The following KIAA2012 variants were observed in gnomAD, a reference collection of about 807,000 sequenced individuals.
KIAA2012 encodes the protein KIAA2012.
A neutral mutation model predicts 150.6 loss-of-function variants in KIAA2012; 125 were observed. That is an observed-to-expected ratio of 0.83 (90% CI 0.72 to 0.96). The LOEUF (loss-of-function observed/expected upper bound fraction) is 0.96, where lower values mean the gene tolerates loss of function less well. KIAA2012 is among the 40% of genes least tolerant of loss of function. The probability of loss-of-function intolerance (pLI) is 0.00; values close to 1 mark genes in which losing one functional copy is unlikely to be tolerated. For missense variants in KIAA2012, 1,219 were observed against 1,354.9 expected (o/e 0.90, Z 1.57); for synonymous variants, 462 against 504.7 (o/e 0.92, Z 1.13).
At chr2:202,106,098 G>A in intron 9 of KIAA2012, 188 bp downstream of exon 9, 2 of 1,475,408 alleles carry the variant, frequency 1.4e-6, no homozygotes, top group Non-Finnish European at 1.8e-6. Flanking sequence ...AAAACTAACA[G>A]TGTCCAGCTC....
chr2:202,131,945 G>A (rs1047165435), intron 12 of KIAA2012, among the ~76,000 whole-genome samples: 5 of 152,170 alleles, frequency 3.3e-5, no homozygotes, highest in African/African-American at 4.8e-5. Flanking sequence ...GGAGGCCGAG[G>A]CAGGCAGATC....
rs550171180 is a variant in KIAA2012, at chr2:202,193,363, C to T, written c.2874C>T (p.Ala958=). The change falls in exon 20 of 24, where the codon GCC becomes GCT. Residue 958 remains alanine, a synonymous_variant. Coordinates refer to ENST00000498697, the MANE Select transcript of KIAA2012 (RefSeq NM_001277372.4). The stretch of plus-strand genomic sequence containing the variant: ...GGGACAGGCTTCGAGCAGAAAGAGC[C>T]GAGATGAGGTGGCTGGAGGTGGAGA... The part of the protein sequence containing the change: ...ASWDRLRAER[A]EMRWLEVEKK... 1.8e-5 allele frequency: 28 copies of T among 1,550,030 alleles called. No individual in the cohort carries two copies. The highest frequency in any genetic ancestry group is 1.7e-4 in the Middle Eastern group (1 of 5,880).
At chr2:202,156,171 A>G (rs1023301195) in intron 14 of KIAA2012, among the ~76,000 whole-genome samples, 1 of 151,976 alleles carries the variant, frequency 6.6e-6, no homozygotes, top group Non-Finnish European at 1.5e-5. Context: ...AGCCACTGCA[A>G]CCCAGCCTGG....
intron 15 of KIAA2012, among the ~76,000 whole-genome samples, chr2:202,184,101 G>A (rs931575915): frequency 2.0e-5 from 3 of 152,120 alleles, no homozygotes; most frequent in African/African-American, 7.2e-5. Flanking sequence ...TAATAGTAAT[G>A]TTGGCTGAGC....
At chr2:202,106,868 T>G (rs890537976) in intron 9 of KIAA2012, among the ~76,000 whole-genome samples, 3 of 152,158 alleles carry the variant, frequency 2.0e-5, no homozygotes, top group African/African-American at 7.2e-5. Flanking sequence ...TTCAGAAAAC[T>G]GAGCCTCCTT....
intron 11 of KIAA2012, among the ~76,000 whole-genome samples, chr2:202,124,289 C>T (rs1467980585): frequency 6.6e-6 from 1 of 152,236 alleles, no homozygotes; most frequent in Non-Finnish European, 1.5e-5. Context: ...TTCTAATTCT[C>T]ATCAGTCATT....
intron 23 of KIAA2012, among the ~76,000 whole-genome samples, chr2:202,202,792 T>A (rs1692555209): frequency 6.6e-6 from 1 of 151,932 alleles, no homozygotes; most frequent in East Asian, 1.9e-4. Flanking sequence ...TAGCCAGGCA[T>A]GGTGGGGTGT....
At chr2:202,178,352 G>GT (rs1692040083) in intron 15 of KIAA2012, among the ~76,000 whole-genome samples, 2 of 152,238 alleles carry the variant, frequency 1.3e-5, no homozygotes, top group South Asian at 4.2e-4. Flanking sequence ...CTTAAAAGTT[G>GT]TAAGTTATTC....
intron 14 of KIAA2012, among the ~76,000 whole-genome samples, chr2:202,159,552 T>C (rs1691606503): frequency 6.6e-6 from 1 of 152,122 alleles, no homozygotes; most frequent in Non-Finnish European, 1.5e-5. Flanking sequence ...ATAATAATAC[T>C]GGGACCTGAC....
intron 15 of KIAA2012, chr2:202,179,402 G>C: frequency 1.3e-6 from 1 of 762,436 alleles, no homozygotes; most frequent in African/African-American, 1.7e-5. Flanking sequence ...CCTGTCAGTG[G>C]GAATTAAAGC....
chr2:202,194,196 GAAAC>G lies in KIAA2012; in HGVS notation c.3023_3026del (p.Lys1008ArgfsTer21), dbSNP rs1559234655. 1 of 1,550,480 alleles carries G rather than the reference GAAAC, an allele frequency of 6.4e-7. No homozygotes were observed. Among genetic ancestry groups the G allele is most frequent in the Non-Finnish European group, 8.7e-7 (1 of 1,146,908 alleles). ...CCATCTTGGGTTTTCTCAGCTTGAG[GAAAC>G]AGAGACTCCAAGAAGAACAGCAGCG... is the stretch of plus-strand genomic sequence containing the variant. On this transcript the variant is annotated frameshift_variant, in exon 21 of 24. Coordinates refer to ENST00000498697, the MANE Select transcript of KIAA2012 (RefSeq NM_001277372.4). LOFTEE classifies it high-confidence loss of function.
intron 12 of KIAA2012, among the ~76,000 whole-genome samples, chr2:202,132,739 A>ATATATG (rs372442086): frequency 1.8e-4 from 14 of 77,134 alleles, no homozygotes; most frequent in South Asian, 3.6e-4. Flanking sequence ...GTATATATGT[A>ATATATG]TATATATAGT....
At chr2:202,080,854 A>C (rs1689436516) in intron 2 of KIAA2012, among the ~76,000 whole-genome samples, 1 of 152,178 alleles carries the variant, frequency 6.6e-6, no homozygotes, top group South Asian at 2.1e-4. Flanking sequence ...ATATAACATG[A>C]AATTTACCAT....
intron 15 of KIAA2012, among the ~76,000 whole-genome samples, chr2:202,165,708 C>T (rs1483001874): frequency 3.3e-5 from 5 of 151,932 alleles, no homozygotes; most frequent in Non-Finnish European, 5.9e-5. Flanking sequence ...GCAACAACAG[C>T]GAAACTCCAT....
At chr2:202,086,600 G>A (rs1300150127) in intron 2 of KIAA2012, among the ~76,000 whole-genome samples, 1 of 152,182 alleles carries the variant, frequency 6.6e-6, no homozygotes, top group Non-Finnish European at 1.5e-5. Context: ...TTTTGCACTT[G>A]AAGTACCTGC....
At chr2:202,075,210 GCTGGT>G in intron 2 of KIAA2012, 35 bp downstream of exon 2, 1 of 1,496,238 alleles carries the variant, frequency 6.7e-7, no homozygotes, top group South Asian at 1.3e-5. Context: ...TGGGGAAGGT[GCTGGT>G]AGCATGTCTA....
rs1574316312 is a variant in KIAA2012, at chr2:202,193,317, G to A, written c.2828G>A (p.Arg943Lys). 2 of 1,549,686 alleles carry A rather than the reference G, an allele frequency of 1.3e-6. No individual in the cohort carries two copies. Among genetic ancestry groups the A allele is most frequent in the East Asian group, 2.4e-5 (1 of 40,926 alleles). The stretch of plus-strand genomic sequence containing the variant: ...GTTTCTTAGGCCCTCCTCACTAAGA[G>A]GGAGCAGGAGAAGGCTTCCTGGGAC... ...EDPSKALLTK[R>K]EQEKASWDRL... is the part of the protein sequence containing the mutation. The change falls in exon 20 of 24, where the codon AGG becomes AAG. Residue 943 changes from arginine to lysine, a missense_variant. Coordinates refer to ENST00000498697, the MANE Select transcript of KIAA2012 (RefSeq NM_001277372.4).
At chr2:202,133,130 A>ATATATATATATATATATTTTTTTTTTTTT (rs1279080237) in intron 12 of KIAA2012, among the ~76,000 whole-genome samples, 1 of 67,778 alleles carries the variant, frequency 1.5e-5, no homozygotes, top group Admixed American at 1.8e-4. Flanking sequence ...ATATATATAT[A>ATATATATATATATATATTTTTTTTTTTTT]TTTTTTTTTT....
intron 13 of KIAA2012, among the ~76,000 whole-genome samples, chr2:202,154,075 C>G (rs1691477836): frequency 6.6e-6 from 1 of 152,220 alleles, no homozygotes. Context: ...CTCGGAGAGC[C>G]CCCGGGGCCT....
Sources: allele counts gnomAD v4.1 joint callset (sites outside exome capture counted in the v4.1 genomes callset), GRCh38; gene constraint gnomAD v4.1.1; transcripts MANE v1.5; gene names NCBI Gene and HGNC (gene_info 2026-07-23, HGNC 2026-07-21).